ABLIM2: variants seen among roughly 807,000 people sequenced by gnomAD.
The protein encoded by ABLIM2 is actin binding LIM protein family member 2.
ABLIM2 carries 53 observed loss-of-function variants against 97.7 expected under a neutral mutation model. That is an observed-to-expected ratio of 0.54 (90% confidence interval 0.44 to 0.68). The LOEUF (loss-of-function observed/expected upper bound fraction) is 0.68. Ranked by LOEUF, ABLIM2 falls within the 30% of genes least tolerant of loss-of-function variation. The pLI is 0.00. For synonymous variants in ABLIM2, 361 were observed against 345.8 expected (o/e 1.04, Z -0.49); for missense variants, 835 against 867.2 (o/e 0.96, Z 0.47).
intron 20 of ABLIM2, among the ~76,000 whole-genome samples, chr4:7,980,941 A>ATCTTTTTTTTTTTTTTTTTTTTTTTTTTT (rs1483414043): frequency 7.2e-5 from 6 of 82,982 alleles, no homozygotes; most frequent in Non-Finnish European, 1.0e-4. Context: ...ACAACCCCTT[A>ATCTTTTTTTTTTTTTTTTTTTTTTTTTTT]TTTTTTTTTT....
intron 6 of ABLIM2, among the ~76,000 whole-genome samples, chr4:8,073,369 C>G (rs115592836): frequency 8.7e-4 from 132 of 151,486 alleles, no homozygotes; most frequent in African/African-American, 3.0e-3. Context: ...GGGCAGGGAG[C>G]GCAGTCCAGG....
intron 20 of ABLIM2, among the ~76,000 whole-genome samples, chr4:7,982,526 C>G (rs1739519015): frequency 6.6e-6 from 1 of 152,232 alleles, no homozygotes; most frequent in African/African-American, 2.4e-5. Flanking sequence ...TTCTCTCAGT[C>G]AACAGATCGT....
intron 1 of ABLIM2, among the ~76,000 whole-genome samples, chr4:8,154,839 T>C (rs1172988186): frequency 1.3e-5 from 2 of 152,116 alleles, no homozygotes; most frequent in African/African-American, 4.8e-5. Context: ...GTAAAGGAAA[T>C]AGGTTTCATG....
rs949911091 is a variant in ABLIM2 at position 8,095,254 on chromosome 4, C to T, written c.338+1845G>A. On this transcript the variant is annotated intron_variant, in intron 3 of 20. Transcript: ENST00000447017. This position sits in a 1 kb window ranked among gnomAD's most constrained non-coding sequence, Gnocchi z 4.7. ...ACATAGCTGGGACTACAGGCATGCA[C>T]CACCATGCCAGACTAATTTTTAAAT... Among the ~76,000 whole-genome samples, 1 of 152,046 alleles carries T rather than the reference C, an allele frequency of 6.6e-6. No homozygotes were observed. The highest frequency in any genetic ancestry group is 2.4e-5 in the African/African-American group (1 of 41,388).
At chr4:7,989,406 A>C in intron 17 of ABLIM2, 1 of 985,332 alleles carries the variant, frequency 1.0e-6, no homozygotes, top group Non-Finnish European at 1.2e-6. Context: ...AAAGAGTCAT[A>C]TTCAAATCAC....
Position 8,054,598 on chromosome 4 carries a change from T to A in ABLIM2, c.764-352A>T, listed in dbSNP as rs1471345093. Among the ~76,000 whole-genome samples the A allele has an allele frequency of 6.6e-6, 1 of 151,908 alleles. No individual in the cohort carries two copies. Among genetic ancestry groups the A allele is most frequent in the African/African-American group, 2.4e-5 (1 of 41,324 alleles). On this transcript the variant is annotated intron_variant, in intron 7 of 20. Coordinates refer to ENST00000447017, the MANE Select transcript of ABLIM2 (RefSeq NM_001130083.2). The surrounding 1 kb of genome is among the most constrained non-coding windows in gnomAD (Gnocchi z 4.9). Reference sequence around the variant, plus strand: ...TCTGAGGAGGGGGTATTTGAAGGGGTTTCAAGTCCCTGCCTAGGATGTAGG... The same window carrying A: ...TCTGAGGAGGGGGTATTTGAAGGGGATTCAAGTCCCTGCCTAGGATGTAGG...
rs74601171 is a variant in ABLIM2, at chr4:8,026,376, G to A, written c.1267+1383C>T. Among the ~76,000 whole-genome samples, 721 of 152,278 alleles carry A rather than the reference G, an allele frequency of 4.7e-3. 5 individuals are homozygous for A. Among genetic ancestry groups the A allele is most frequent in the African/African-American group, 0.017 (693 of 41,550 alleles). ...GACAGGCCCTCAGAAAAATGAGGAC[G>A]GCCATGTCCATCAATGGCCAGGAAC... On this transcript the variant is annotated intron_variant, in intron 12 of 20. Transcript: ENST00000447017.
chr4:8,087,178 C>A lies in ABLIM2; in HGVS notation c.454+991G>T, dbSNP rs1465733026. Among the ~76,000 whole-genome samples, 1 of 152,212 alleles carries A rather than the reference C, an allele frequency of 6.6e-6. No individual in the cohort carries two copies. Among genetic ancestry groups the A allele is most frequent in the East Asian group, 1.9e-4 (1 of 5,190 alleles). The stretch of plus-strand genomic sequence containing the variant: ...ACCCCTCCTCTGTCTGGGGACACCC[C>A]AGTGACCACGGTGCTCAGAGTGGGC... On this transcript the variant is annotated intron_variant, in intron 4 of 20. Transcript: ENST00000447017. This position sits in a 1 kb window ranked among gnomAD's most constrained non-coding sequence, Gnocchi z 4.6.
At chr4:8,055,718 A>G (rs1579997268) in intron 7 of ABLIM2, among the ~76,000 whole-genome samples, 3 of 152,228 alleles carry the variant, frequency 2.0e-5, no homozygotes, top group Non-Finnish European at 4.4e-5. Flanking sequence ...CTAGGGACAT[A>G]GCAGCAACTC....
chr4:7,978,540 G>T (rs1437466245), intron 20 of ABLIM2, among the ~76,000 whole-genome samples: 4 of 152,196 alleles, frequency 2.6e-5, no homozygotes, highest in Non-Finnish European at 5.9e-5. Context: ...CGCTGCTGCT[G>T]GGCCAGGAGC....
rs1740341280 is a variant in ABLIM2, at chr4:7,983,253, C to T, written c.1824+11G>A. ...GAAATGAGTCCCCTGCCCCGGCAGT[C>T]CCCCGCTTACCTCCAGTCTCGTCCG... On this transcript the variant is annotated intron_variant, in intron 20 of 20. Coordinates refer to ENST00000447017, the MANE Select transcript of ABLIM2 (RefSeq NM_001130083.2). 1.2e-6 allele frequency: 2 copies of T among 1,606,140 alleles called. No individual in the cohort carries two copies. Among genetic ancestry groups the T allele is most frequent in the South Asian group, 1.1e-5 (1 of 88,796 alleles).
chr4:8,018,388 A>G (rs1434182575), intron 14 of ABLIM2, among the ~76,000 whole-genome samples: 1 of 151,972 alleles, frequency 6.6e-6, no homozygotes, highest in Non-Finnish European at 1.5e-5. Context: ...CAGTTTCCCC[A>G]CTTGTAACCC....
rs369921231 is a variant in ABLIM2 at position 8,080,690 on chromosome 4, G to A, written c.567C>T (p.Ala189=). 70 of 1,607,734 alleles carry A rather than the reference G, an allele frequency of 4.4e-5. No homozygotes were observed. The highest frequency in any genetic ancestry group is 4.3e-5 in the Non-Finnish European group (50 of 1,175,662). ...KCKSCGKLLN[A]EYISKDGLPY... ...CCCCCACTTACTTGCTGATGTACTC[G>A]GCATTCAGGAGCTTCCCACAGCTCT... The change falls in exon 5 of 21, where the codon GCC becomes GCT. Residue 189 remains alanine (A), a synonymous_variant. Transcript: ENST00000447017.
intron 14 of ABLIM2, among the ~76,000 whole-genome samples, chr4:8,012,505 T>G (rs1408928429): frequency 2.2e-5 from 3 of 136,942 alleles, no homozygotes; most frequent in African/African-American, 8.1e-5. Context: ...CATCCATCCA[T>G]CTACCCACCC....
intron 14 of ABLIM2, among the ~76,000 whole-genome samples, chr4:8,014,593 G>T (rs536325745): frequency 6.6e-6 from 1 of 152,334 alleles, no homozygotes; most frequent in East Asian, 1.9e-4. Context: ...GGGCAAATCC[G>T]CTAGAATCTC....
At chr4:7,982,202 T>C (rs2891899) in intron 20 of ABLIM2, among the ~76,000 whole-genome samples, 149,779 of 151,568 alleles carry the variant, frequency 0.99, 74,005 homozygotes, top group East Asian at 1. Flanking sequence ...CTCCAACTCC[T>C]TCCCCAGCTG....
chr4:8,048,234 AC>A (rs1442972218), intron 8 of ABLIM2, among the ~76,000 whole-genome samples: 2 of 152,100 alleles, frequency 1.3e-5, no homozygotes, highest in Non-Finnish European at 2.9e-5. Flanking sequence ...GCTTTTTCTG[AC>A]TTTCTCCCTA....
At position 8,068,940 on chromosome 4, in the gene ABLIM2, T is replaced by C. The variant is rs533737159; in HGVS notation, c.676-7886A>G. Among the ~76,000 whole-genome samples the C allele has an allele frequency of 1.9e-4, 29 of 152,384 alleles. No individual in the cohort carries two copies. The South Asian group carries it at 5.6e-3, about 29-fold the overall frequency. ...GAGCAGGGGATCCCCCTGGGGGTGT[T>C]TGGCGGCCAGGACAGAATCCCCAGA... On this transcript the variant is annotated intron_variant, in intron 6 of 20. Coordinates refer to ENST00000447017, the MANE Select transcript of ABLIM2 (RefSeq NM_001130083.2). This position sits in a 1 kb window ranked among gnomAD's most constrained non-coding sequence, Gnocchi z 4.5.
intron 8 of ABLIM2, among the ~76,000 whole-genome samples, chr4:8,048,181 G>A (rs1341256896): frequency 6.6e-6 from 1 of 152,242 alleles, no homozygotes; most frequent in African/African-American, 2.4e-5. Context: ...GAGTCAGAAG[G>A]GAGCTGAGTA....
Sources: allele counts gnomAD v4.1 joint callset (sites outside exome capture counted in the v4.1 genomes callset), GRCh38; gene constraint gnomAD v4.1.1; non-coding constraint Gnocchi (gnomAD v3.1); transcripts MANE v1.5; gene names NCBI Gene and HGNC (gene_info 2026-07-23, HGNC 2026-07-21).